Variants in ERC1 observed in about 807,000 individuals in gnomAD.
ERC1 encodes the protein RAB6 interacting protein 2.
ERC1 carries 56 observed loss-of-function variants against 132.0 expected under a neutral mutation model. The observed-to-expected ratio is 0.42, with a 90% CI of 0.34 to 0.53. ERC1 has a LOEUF of 0.53. Among genes scored for constraint, ERC1 ranks in the 20% least tolerant of loss-of-function variants. The pLI, the probability that ERC1 is intolerant of heterozygous loss-of-function variation, is 0.03. For missense variants in ERC1, 1,202 were observed against 1,349.9 expected (o/e 0.89, Z 1.72); for synonymous variants, 478 against 476.1 (o/e 1.00, Z -0.05).
chr12:1,055,797 T>C (rs188460066), intron 2 of ERC1, among the ~76,000 whole-genome samples: 201 of 152,280 alleles, frequency 1.3e-3, no homozygotes, highest in African/African-American at 4.3e-3. Context: ...AAAATAATGG[T>C]ACATCATGGG....
At chr12:1,119,983 TATTA>T (rs1456410227) in intron 7 of ERC1, among the ~76,000 whole-genome samples, 5 of 152,170 alleles carry the variant, frequency 3.3e-5, no homozygotes, top group Admixed American at 2.0e-4. Context: ...GACATTTTTT[TATTA>T]ATTTATTATT....
chr12:1,404,536 G>A (rs1341862943), intron 16 of ERC1, among the ~76,000 whole-genome samples: 1 of 152,218 alleles, frequency 6.6e-6, no homozygotes, highest in Non-Finnish European at 1.5e-5. Context: ...TCTTTTGAGT[G>A]AGACACTGTC....
chr12:1,485,260 A>T (rs558097385), intron 18 of ERC1, among the ~76,000 whole-genome samples: 1 of 131,522 alleles, frequency 7.6e-6, no homozygotes, highest in Admixed American at 8.7e-5. Context: ...GCTGGAGTGC[A>T]GTGGCGTGAT....
At chr12:1,398,450 A>G (rs12307046) in intron 16 of ERC1, among the ~76,000 whole-genome samples, 44,678 of 152,142 alleles carry the variant, frequency 0.29, 6,787 homozygotes, top group Middle Eastern at 0.35. Flanking sequence ...TATAAAATCA[A>G]AGTAGTTTAG....
At chr12:1,355,509 T>A (rs888747230) in intron 15 of ERC1, among the ~76,000 whole-genome samples, 2 of 152,248 alleles carry the variant, frequency 1.3e-5, no homozygotes, top group Non-Finnish European at 2.9e-5. Context: ...TGACCAGTGT[T>A]CCTCAAACAT....
chr12:1,225,870 G>C (rs2074537608), intron 12 of ERC1, among the ~76,000 whole-genome samples: 1 of 152,138 alleles, frequency 6.6e-6, no homozygotes, highest in African/African-American at 2.4e-5. Flanking sequence ...TCTTAAAACA[G>C]AGCAAAATTT....
chr12:1,279,984 G>A (rs1014281560), intron 14 of ERC1, among the ~76,000 whole-genome samples: 4 of 152,058 alleles, frequency 2.6e-5, no homozygotes, highest in Admixed American at 6.6e-5. Flanking sequence ...GTGAGCCACC[G>A]TGCCCGACCA....
chr12:1,394,426 G>A (rs975631954), intron 16 of ERC1, among the ~76,000 whole-genome samples: 1 of 152,038 alleles, frequency 6.6e-6, no homozygotes. Context: ...AAGAAATTTA[G>A]TATTACTTCT....
At chr12:1,078,375 A>G (rs774194879) in intron 2 of ERC1, among the ~76,000 whole-genome samples, 22 of 152,278 alleles carry the variant, frequency 1.4e-4, no homozygotes, top group Middle Eastern at 3.4e-3. Context: ...GTTAATCTTT[A>G]AAAGATGATG....
chr12:1,193,762 C>T (rs542768852), intron 12 of ERC1, among the ~76,000 whole-genome samples: 1 of 152,234 alleles, frequency 6.6e-6, no homozygotes, highest in East Asian at 1.9e-4. Context: ...TAAAATCTTT[C>T]CAAAGGATTC....
intron 7 of ERC1, among the ~76,000 whole-genome samples, chr12:1,132,764 G>A (rs1825728832): frequency 6.6e-6 from 1 of 152,026 alleles, no homozygotes; most frequent in South Asian, 2.1e-4. Context: ...AAGAAAATTA[G>A]GCAGTTGAGA....
chr12:1,238,187 A>T lies in ERC1; in HGVS notation c.2487+1283A>T, dbSNP rs544639338. On this transcript the variant is annotated intron_variant, in intron 13 of 18. Transcript: ENST00000360905. ...TTTTTTTTTTTTTTAACAAAATACA[A>T]ATCTGATGAGTGGTAAATATTTCAT... is the stretch of plus-strand genomic sequence containing the variant. 9.2e-4 allele frequency among the ~76,000 whole-genome samples: 139 copies of T among 151,322 alleles called. 2 individuals are homozygous for T. Among genetic ancestry groups the T allele is most frequent in the Middle Eastern group, 3.2e-3 (1 of 316 alleles).
At position 1,241,984 on chromosome 12, in the gene ERC1, G is replaced by A. The variant is rs937028807; in HGVS notation, c.2487+5080G>A. Among the ~76,000 whole-genome samples the A allele has an allele frequency of 2.7e-5, 4 of 149,600 alleles. No individual in the cohort carries two copies. In the South Asian group the frequency reaches 6.5e-4, roughly 24 times the overall value. On this transcript the variant is annotated intron_variant, in intron 13 of 18. Coordinates refer to ENST00000360905, the MANE Select transcript of ERC1 (RefSeq NM_178040.4). Reference sequence around the variant, plus strand: ...AGTGATTCTCCTGCCTCAGCCTCCCGAGAAGCTGGGATTACACACCTGGCT... The same window carrying A: ...AGTGATTCTCCTGCCTCAGCCTCCCAAGAAGCTGGGATTACACACCTGGCT...
At chr12:1,475,967 T>TA (rs371095522) in intron 18 of ERC1, among the ~76,000 whole-genome samples, 44,247 of 139,980 alleles carry the variant, frequency 0.32, 6,728 homozygotes, top group Middle Eastern at 0.36. Context: ...GTCATCTCTT[T>TA]AAAAAAAAAA....
At chr12:1,370,698 T>C (rs1054465601) in intron 15 of ERC1, among the ~76,000 whole-genome samples, 1 of 151,742 alleles carries the variant, frequency 6.6e-6, no homozygotes, top group Non-Finnish European at 1.5e-5. Flanking sequence ...CTTACTAATA[T>C]AGTTTTTTTT....
intron 1 of ERC1, among the ~76,000 whole-genome samples, chr12:1,026,287 A>C (rs1966880516): frequency 6.6e-6 from 1 of 152,198 alleles, no homozygotes; most frequent in Non-Finnish European, 1.5e-5. Flanking sequence ...GTAGAGGGGA[A>C]ACTGCGCCCA....
rs371636510 is a variant in ERC1, at chr12:1,031,972, C to T, written c.669+3400C>T. ...AGATGGGGTCCAGGAACTTATGTTT[C>T]GAACAAGCTTCTCTGGTGGTTCTGA... On this transcript the variant is annotated intron_variant, in intron 2 of 18. Transcript: ENST00000360905. Among the ~76,000 whole-genome samples, 13 of 152,114 alleles carry T rather than the reference C, an allele frequency of 8.5e-5. No individual in the cohort carries two copies. The East Asian group carries it at 1.2e-3, about 14-fold the overall frequency.
At chr12:1,458,524 G>A (rs1385927494) in intron 18 of ERC1, among the ~76,000 whole-genome samples, 1 of 150,276 alleles carries the variant, frequency 6.7e-6, no homozygotes, top group Non-Finnish European at 1.5e-5. Flanking sequence ...ATATACACAT[G>A]TATGTATTTT....
At chr12:1,343,817 T>C (rs1235643124) in intron 15 of ERC1, among the ~76,000 whole-genome samples, 1 of 152,108 alleles carries the variant, frequency 6.6e-6, no homozygotes, top group Non-Finnish European at 1.5e-5. Flanking sequence ...CTGAAGCTTA[T>C]CGTTTAAATT....
Sources: allele counts gnomAD v4.1 joint callset (sites outside exome capture counted in the v4.1 genomes callset), GRCh38; gene constraint gnomAD v4.1.1; transcripts MANE v1.5; gene names NCBI Gene and HGNC (gene_info 2026-07-23, HGNC 2026-07-21).